The following PDK1 variants were observed in gnomAD, a reference collection of about 807,000 sequenced individuals.
PDK1 encodes the protein [Pyruvate dehydrogenase (acetyl-transferring)] kinase isozyme 1, mitochondrial.
Under a neutral mutation model 54.2 loss-of-function variants are expected in PDK1, and 39 were observed. The ratio of observed to expected loss-of-function variants is 0.72; its 90% confidence interval spans 0.56 to 0.94. PDK1 has a LOEUF of 0.94. Ranked by LOEUF, PDK1 falls within the 40% of genes least tolerant of loss-of-function variation. The pLI is 0.00. For missense variants in PDK1, 552 were observed against 566.0 expected (o/e 0.98, Z 0.25); for synonymous variants, 221 against 207.1 (o/e 1.07, Z -0.58).
chr2:172,698,510 T>G, the PDK1 span, among the ~76,000 whole-genome samples: 1 of 152,248 alleles, frequency 6.6e-6, no homozygotes, highest in Non-Finnish European at 1.5e-5. Context: ...ATGTGTTAAC[T>G]GCATTCTCTT....
the PDK1 span, among the ~76,000 whole-genome samples, chr2:172,665,721 T>C: frequency 6.6e-6 from 1 of 152,194 alleles, no homozygotes; most frequent in Non-Finnish European, 1.5e-5. Context: ...ATATGCAGCG[T>C]TGGCATTTTA....
At chr2:172,582,784 T>C (rs1689985026) in intron 8 of PDK1, among the ~76,000 whole-genome samples, 1 of 152,236 alleles carries the variant, frequency 6.6e-6, no homozygotes, top group African/African-American at 2.4e-5. Context: ...GGCTCCAGTT[T>C]ATTGTATTGT....
the PDK1 span, among the ~76,000 whole-genome samples, chr2:172,696,490 A>G: frequency 6.6e-6 from 1 of 152,272 alleles, no homozygotes; most frequent in South Asian, 2.1e-4. Context: ...GAAAGGCTAT[A>G]GAACATCTTT....
the PDK1 span, among the ~76,000 whole-genome samples, chr2:172,623,017 G>T: frequency 6.6e-6 from 1 of 151,586 alleles, no homozygotes; most frequent in African/African-American, 2.4e-5. Flanking sequence ...CAGCGTGATG[G>T]TGCATGCCTG....
At chr2:172,617,024 A>G in the PDK1 span, among the ~76,000 whole-genome samples, 1 of 152,258 alleles carries the variant, frequency 6.6e-6, no homozygotes, top group African/African-American at 2.4e-5. Context: ...ATCTCGGCTC[A>G]CTGCAACCTC....
intron 1 of PDK1, 39 bp from the exon 2 acceptor site, chr2:172,558,669 G>A (rs1006560252): frequency 6.5e-7 from 1 of 1,542,950 alleles, no homozygotes; most frequent in East Asian, 2.4e-5. Context: ...TTTCCTTATG[G>A]CTTTTACTTA....
the PDK1 span, among the ~76,000 whole-genome samples, chr2:172,703,766 C>CTTTTTTT: frequency 5.2e-3 from 459 of 89,086 alleles, 20 homozygotes; most frequent in African/African-American, 0.014. Flanking sequence ...TTCTTTCTTT[C>CTTTTTTT]TTTTTTTTTT....
intron 1 of PDK1, among the ~76,000 whole-genome samples, chr2:172,556,834 T>G (rs1217450021): frequency 6.6e-6 from 1 of 152,238 alleles, no homozygotes; most frequent in East Asian, 1.9e-4. Flanking sequence ...TGCCAGTGGC[T>G]TAAAACTGTT....
the PDK1 span, among the ~76,000 whole-genome samples, chr2:172,709,494 A>G: frequency 6.6e-6 from 1 of 152,236 alleles, no homozygotes; most frequent in Non-Finnish European, 1.5e-5. Context: ...GTTTGCTGTC[A>G]GTCTTGAAGC....
At chr2:172,696,335 A>G in the PDK1 span, among the ~76,000 whole-genome samples, 1 of 152,202 alleles carries the variant, frequency 6.6e-6, no homozygotes, top group African/African-American at 2.4e-5. Context: ...CAAAAAAGCA[A>G]TGAGGTAATA....
intron 9 of PDK1, among the ~76,000 whole-genome samples, chr2:172,592,643 G>A (rs1362043813): frequency 3.9e-5 from 6 of 152,050 alleles, no homozygotes; most frequent in South Asian, 4.1e-4. Flanking sequence ...GACACAATAC[G>A]ACCGAGCAGG....
chr2:172,625,917 AAAT>A, the PDK1 span, among the ~76,000 whole-genome samples: 2 of 152,234 alleles, frequency 1.3e-5, no homozygotes, highest in Non-Finnish European at 2.9e-5. Flanking sequence ...GACAAAGAGA[AAAT>A]AAACATAAAC....
chr2:172,705,965 G>C, the PDK1 span, among the ~76,000 whole-genome samples: 2 of 152,182 alleles, frequency 1.3e-5, no homozygotes, highest in African/African-American at 4.8e-5. Context: ...TTCTCATGCA[G>C]TTGTAAGAAA....
chr2:172,616,384 G>C, the PDK1 span, among the ~76,000 whole-genome samples: 1 of 152,132 alleles, frequency 6.6e-6, no homozygotes, highest in Non-Finnish European at 1.5e-5. Context: ...ATGAACTATA[G>C]CTACACACAT....
chr2:172,677,810 A>C, the PDK1 span, among the ~76,000 whole-genome samples: 5 of 152,272 alleles, frequency 3.3e-5, no homozygotes, highest in African/African-American at 1.2e-4. Context: ...TAGATGGTCA[A>C]AATAAGGTAA....
the PDK1 span, among the ~76,000 whole-genome samples, chr2:172,703,318 GC>G: frequency 6.6e-6 from 1 of 152,164 alleles, no homozygotes; most frequent in Non-Finnish European, 1.5e-5. Flanking sequence ...TGGACCTCTG[GC>G]CCCCAGGACT....
chr2:172,558,466 G>A lies in PDK1; in HGVS notation c.197-242G>A, dbSNP rs7566870. On this transcript the variant is annotated intron_variant, in intron 1 of 10. Coordinates refer to ENST00000282077, the MANE Select transcript of PDK1 (RefSeq NM_002610.5). ...TGCAAATTAGGGAGACAAGAGTATC[G>A]TAATTGCTGTACAGAGCCATTGGAA... Among the ~76,000 whole-genome samples the A allele has an allele frequency of 1.3e-3, 196 of 152,280 alleles. 1 individual carries two copies. Among genetic ancestry groups the A allele is most frequent in the African/African-American group, 4.4e-3 (182 of 41,550 alleles).
the PDK1 span, among the ~76,000 whole-genome samples, chr2:172,705,869 G>A: frequency 1.3e-5 from 2 of 152,314 alleles, no homozygotes; most frequent in East Asian, 3.9e-4. Context: ...TCTGTTTACA[G>A]AAAAGGGCAC....
chr2:172,659,048 T>A, the PDK1 span, among the ~76,000 whole-genome samples: 3 of 152,152 alleles, frequency 2.0e-5, no homozygotes, highest in African/African-American at 7.2e-5. Context: ...TGTGACCTAC[T>A]CCCTGTTTGT....
Sources: allele counts gnomAD v4.1 joint callset (sites outside exome capture counted in the v4.1 genomes callset), GRCh38; gene constraint gnomAD v4.1.1; transcripts MANE v1.5; gene names NCBI Gene and HGNC (gene_info 2026-07-23, HGNC 2026-07-21).